IQCM: variants seen among roughly 807,000 people sequenced by gnomAD.
IQCM encodes IQ motif containing M.
Under a neutral mutation model 57.6 loss-of-function variants are expected in IQCM, and 45 were observed. The observed-to-expected ratio is 0.78, with a 90% CI of 0.62 to 1.00. The LOEUF is 1.00. IQCM is among the 50% of genes least tolerant of loss of function. IQCM has a pLI of 0.00. For missense variants in IQCM, 468 were observed against 511.6 expected (o/e 0.91, Z 0.82); for synonymous variants, 148 against 158.9 (o/e 0.93, Z 0.51).
chr4:149,550,242 A>C (rs1748897597), intron 11 of IQCM, among the ~76,000 whole-genome samples: 1 of 152,188 alleles, frequency 6.6e-6, no homozygotes, highest in African/African-American at 2.4e-5. Context: ...TAGAGGGATT[A>C]AGCTTCAGTT....
intron 8 of IQCM, among the ~76,000 whole-genome samples, chr4:149,605,242 A>G (rs1016513517): frequency 2.6e-5 from 4 of 152,228 alleles, no homozygotes; most frequent in Non-Finnish European, 5.9e-5. Context: ...GCCTTTTATA[A>G]TAAAGGAAAC....
At chr4:149,752,827 A>T (rs1226953342) in intron 2 of IQCM, among the ~76,000 whole-genome samples, 1 of 152,156 alleles carries the variant, frequency 6.6e-6, no homozygotes. Flanking sequence ...AGCTAAAAAG[A>T]GGTAGAAATG....
intron 10 of IQCM, among the ~76,000 whole-genome samples, chr4:149,556,588 T>TTA (rs56668708): frequency 0.15 from 22,607 of 152,158 alleles, 2,075 homozygotes; most frequent in South Asian, 0.33. Flanking sequence ...AAAAAAATCT[T>TTA]TATTCAAAAG....
intron 13 of IQCM, among the ~76,000 whole-genome samples, chr4:149,388,004 C>A (rs1298656211): frequency 6.6e-6 from 1 of 152,028 alleles, no homozygotes; most frequent in Non-Finnish European, 1.5e-5. Context: ...TACTTCAAAG[C>A]ATGCATCAAT....
At chr4:149,579,107 G>T (rs916327987) in intron 9 of IQCM, among the ~76,000 whole-genome samples, 19 of 151,818 alleles carry the variant, frequency 1.3e-4, no homozygotes, top group African/African-American at 4.6e-4. Flanking sequence ...TATTCTGCTT[G>T]CTCCTCCTTG....
intron 8 of IQCM, among the ~76,000 whole-genome samples, chr4:149,613,636 G>T (rs1399396052): frequency 6.6e-6 from 1 of 151,726 alleles, no homozygotes; most frequent in East Asian, 1.9e-4. Context: ...AGTTACATAT[G>T]TATACATGTG....
At chr4:149,454,147 G>GATATATATATAT (rs34730850) in intron 12 of IQCM, among the ~76,000 whole-genome samples, 30 of 127,352 alleles carry the variant, frequency 2.4e-4, no homozygotes, top group South Asian at 1.1e-3. Context: ...AAGAAAATGT[G>GATATATATATAT]ATATATATAT....
intron 7 of IQCM, among the ~76,000 whole-genome samples, chr4:149,672,090 A>G (rs1226682398): frequency 6.6e-6 from 1 of 152,194 alleles, no homozygotes; most frequent in Non-Finnish European, 1.5e-5. Flanking sequence ...ACAAACAGAA[A>G]GGACATCCAC....
chr4:149,430,010 T>C (rs1734714417), intron 13 of IQCM: 5 of 1,229,166 alleles, frequency 4.1e-6, no homozygotes, highest in Non-Finnish European at 5.1e-6. Flanking sequence ...GGTCACCTTC[T>C]GATAATTTCA....
At chr4:149,473,158 A>G (rs1421156033) in intron 12 of IQCM, among the ~76,000 whole-genome samples, 2 of 152,226 alleles carry the variant, frequency 1.3e-5, no homozygotes, top group African/African-American at 4.8e-5. Context: ...CTGCACAGCA[A>G]AAGAAACTAC....
At chr4:149,640,994 G>T (rs1450421211) in intron 7 of IQCM, among the ~76,000 whole-genome samples, 1 of 152,130 alleles carries the variant, frequency 6.6e-6, no homozygotes, top group Non-Finnish European at 1.5e-5. Context: ...GCCGAGCGTG[G>T]TGTTGCACAC....
intron 12 of IQCM, among the ~76,000 whole-genome samples, chr4:149,442,225 G>T (rs1276672312): frequency 3.9e-5 from 6 of 152,108 alleles, no homozygotes; most frequent in Non-Finnish European, 5.9e-5. Flanking sequence ...TCAGCAAAAG[G>T]TTGTCCAGCC....
chr4:149,376,975 G>T (rs1425614822), intron 13 of IQCM, among the ~76,000 whole-genome samples: 1 of 151,950 alleles, frequency 6.6e-6, no homozygotes, highest in East Asian at 1.9e-4. Context: ...CTCATACTGG[G>T]TTATGTCAAT....
chr4:149,466,314 A>C (rs537107739), intron 12 of IQCM, among the ~76,000 whole-genome samples: 25 of 152,356 alleles, frequency 1.6e-4, no homozygotes, highest in African/African-American at 5.8e-4. Flanking sequence ...AGGTCTAACA[A>C]TAACAATAAT....
At chr4:149,474,609 C>T (rs1366988700) in intron 12 of IQCM, among the ~76,000 whole-genome samples, 4 of 150,430 alleles carry the variant, frequency 2.7e-5, no homozygotes, top group Admixed American at 6.6e-5. Context: ...CCCAGCTACT[C>T]GGGAGGCTTA....
chr4:149,732,270 T>C (rs548843488), intron 5 of IQCM, among the ~76,000 whole-genome samples: 1 of 152,266 alleles, frequency 6.6e-6, no homozygotes, highest in South Asian at 2.1e-4. Context: ...CCAAAATATA[T>C]CATATTCTTA....
intron 13 of IQCM, among the ~76,000 whole-genome samples, chr4:149,422,222 A>G (rs1437683601): frequency 6.6e-6 from 1 of 152,002 alleles, no homozygotes; most frequent in African/African-American, 2.4e-5. Context: ...ACTACTTAAT[A>G]TGTGTAGTTG....
intron 5 of IQCM, among the ~76,000 whole-genome samples, chr4:149,689,207 C>T (rs1762768198): frequency 6.6e-6 from 1 of 152,038 alleles, no homozygotes; most frequent in Admixed American, 6.6e-5. Flanking sequence ...GGTACATATA[C>T]ACCATGGAAT....
At chr4:149,815,513 T>C (rs1774978651) in intron 1 of IQCM, 87 bp downstream of exon 1, 1 of 148,872 alleles carries the variant, frequency 6.7e-6, no homozygotes, top group Non-Finnish European at 1.5e-5. Flanking sequence ...GAAAAAAAAA[T>C]GTGCCTTGCA....
Sources: gnomAD v4.1 joint callset for allele counts (sites outside exome capture counted in the v4.1 genomes callset) on GRCh38, gnomAD v4.1.1 for gene constraint, MANE v1.5 for transcripts, NCBI Gene and HGNC (gene_info 2026-07-23, HGNC 2026-07-21) for gene names.